PANK1: variants seen among roughly 807,000 people sequenced by gnomAD.
PANK1 encodes the protein pantothenic acid kinase 1.
In PANK1, 18 loss-of-function variants were observed where a neutral mutation model predicts 40.1. The observed-to-expected ratio is 0.45, with a 90% confidence interval of 0.31 to 0.67. The LOEUF is 0.67. Ranked by LOEUF, PANK1 falls within the 30% of genes least tolerant of loss-of-function variation. The pLI is 0.06. For synonymous variants in PANK1, 242 were observed against 237.7 expected, an observed-to-expected ratio of 1.02 and a Z score of -0.17; for missense variants, 457 against 599.6, an observed-to-expected ratio of 0.76 and a Z score of 2.48.
intron 2 of PANK1, among the ~76,000 whole-genome samples, chr10:89,603,265 T>C (rs867930144): frequency 1.4e-4 from 22 of 152,198 alleles, no homozygotes; most frequent in African/African-American, 4.8e-4. Flanking sequence ...AAACACATAA[T>C]TGGGAAGAGA....
chr10:89,620,995 C>T (rs1021038212), intron 1 of PANK1, among the ~76,000 whole-genome samples: 9 of 152,172 alleles, frequency 5.9e-5, no homozygotes, highest in Admixed American at 5.9e-4. Context: ...AGGACGTCCA[C>T]AAGTTTTAAA....
intron 6 of PANK1, among the ~76,000 whole-genome samples, chr10:89,586,528 C>T (rs556743692): frequency 1.3e-5 from 2 of 152,152 alleles, no homozygotes; most frequent in African/African-American, 4.8e-5. Flanking sequence ...TATTTAAGTA[C>T]CTGTTTCATA....
intron 1 of PANK1, among the ~76,000 whole-genome samples, chr10:89,630,947 G>A (rs1400451823): frequency 6.6e-6 from 1 of 152,220 alleles, no homozygotes; most frequent in East Asian, 1.9e-4. Flanking sequence ...CAGGAGGTTT[G>A]CTTGAGCCCA....
chr10:89,638,335 G>A (rs574758865), intron 1 of PANK1, among the ~76,000 whole-genome samples: 7 of 152,352 alleles, frequency 4.6e-5, no homozygotes, highest in African/African-American at 1.7e-4. Flanking sequence ...TGTGATGGGA[G>A]GGACAGCACC....
intron 1 of PANK1, among the ~76,000 whole-genome samples, chr10:89,620,199 G>A (rs936575151): frequency 5.3e-5 from 8 of 152,298 alleles, no homozygotes; most frequent in African/African-American, 1.9e-4. Flanking sequence ...ATGAAATCTG[G>A]ACATCCTAAA....
chr10:89,642,826 T>A lies in PANK1; in HGVS notation c.292+1774A>T, dbSNP rs147308952. On this transcript the variant is annotated intron_variant, in intron 1 of 6. Coordinates refer to ENST00000307534, the MANE Select transcript of PANK1 (RefSeq NM_148977.3). Reference sequence around the variant, plus strand: ...TGAGAGAAGAAAACATGGTAAATAATGTAAATCCAATTTTGACGAACCGTT... The same window carrying A: ...TGAGAGAAGAAAACATGGTAAATAAAGTAAATCCAATTTTGACGAACCGTT... Among the ~76,000 whole-genome samples, 1,491 of 152,324 alleles carry A rather than the reference T, an allele frequency of 9.8e-3. 15 individuals are homozygous for A. The highest frequency in any genetic ancestry group is 0.015 in the Non-Finnish European group (1,017 of 68,026).
At chr10:89,587,222 C>T (rs1161351685) in intron 6 of PANK1, among the ~76,000 whole-genome samples, 1 of 152,172 alleles carries the variant, frequency 6.6e-6, no homozygotes, top group Non-Finnish European at 1.5e-5. Flanking sequence ...ACTGACCTCT[C>T]AAGGCCAATA....
At chr10:89,628,482 C>T (rs1841537615) in intron 1 of PANK1, among the ~76,000 whole-genome samples, 1 of 147,006 alleles carries the variant, frequency 6.8e-6, no homozygotes, top group Non-Finnish European at 1.5e-5. Context: ...ATAAGCAAAA[C>T]TCTAGAGACA....
chr10:89,640,782 A>G (rs890091583), intron 1 of PANK1, among the ~76,000 whole-genome samples: 8 of 152,234 alleles, frequency 5.3e-5, no homozygotes, highest in African/African-American at 1.9e-4. Flanking sequence ...TTCTGTCTCC[A>G]AAACCATGAA....
intron 1 of PANK1, among the ~76,000 whole-genome samples, chr10:89,621,881 T>C (rs1272430595): frequency 6.6e-6 from 1 of 152,198 alleles, no homozygotes; most frequent in African/African-American, 2.4e-5. Flanking sequence ...GCCTTGCTAA[T>C]TTTTGTAGTT....
intron 2 of PANK1, among the ~76,000 whole-genome samples, chr10:89,603,438 C>T (rs1448742680): frequency 3.9e-5 from 6 of 152,044 alleles, no homozygotes; most frequent in African/African-American, 1.4e-4. Flanking sequence ...CAAAGCTTGT[C>T]CTAAGACTCA....
intron 2 of PANK1, among the ~76,000 whole-genome samples, chr10:89,600,001 CT>C (rs1460410322): frequency 6.6e-6 from 1 of 152,114 alleles, no homozygotes; most frequent in Non-Finnish European, 1.5e-5. Context: ...GACTGGAGTG[CT>C]GCTCAACAGG....
chr10:89,588,885 C>A (rs1416808531), intron 5 of PANK1, 108 bp from the exon 6 acceptor site: 1 of 692,242 alleles, frequency 1.4e-6, no homozygotes, highest in African/African-American at 1.9e-5. Flanking sequence ...AGTGAATATT[C>A]CTTGTTTTTT....
At chr10:89,626,929 A>G (rs1254326112) in intron 1 of PANK1, among the ~76,000 whole-genome samples, 1 of 152,184 alleles carries the variant, frequency 6.6e-6, no homozygotes, top group African/African-American at 2.4e-5. Flanking sequence ...TCAATTTAAT[A>G]CCAGAGCATG....
chr10:89,623,690 C>A (rs1427722279), intron 1 of PANK1, among the ~76,000 whole-genome samples: 1 of 152,134 alleles, frequency 6.6e-6, no homozygotes, highest in Non-Finnish European at 1.5e-5. Flanking sequence ...AAATAATATG[C>A]TTTCATTCCC....
chr10:89,628,906 G>A (rs576657430), intron 1 of PANK1, among the ~76,000 whole-genome samples: 2 of 152,184 alleles, frequency 1.3e-5, no homozygotes, highest in East Asian at 3.9e-4. Context: ...GCGCTTCCCA[G>A]GCTGCTATGG....
At chr10:89,603,826 T>C (rs1002367873) in intron 2 of PANK1, among the ~76,000 whole-genome samples, 5 of 152,164 alleles carry the variant, frequency 3.3e-5, no homozygotes, top group Non-Finnish European at 5.9e-5. Context: ...AGGGGCCATC[T>C]ATGAGTGGTC....
intron 1 of PANK1, among the ~76,000 whole-genome samples, chr10:89,617,232 T>G (rs886651445): frequency 7.2e-5 from 11 of 152,240 alleles, no homozygotes; most frequent in African/African-American, 2.7e-4. Context: ...TAAAGTGAAG[T>G]GCTGCTGCAC....
intron 3 of PANK1, among the ~76,000 whole-genome samples, chr10:89,598,481 G>T (rs1309044282): frequency 6.6e-6 from 1 of 152,192 alleles, no homozygotes; most frequent in Non-Finnish European, 1.5e-5. Flanking sequence ...CTAAAAATGG[G>T]TTCTATGGTT....
Sources: gnomAD v4.1 joint callset for allele counts (sites outside exome capture counted in the v4.1 genomes callset) on GRCh38, gnomAD v4.1.1 for gene constraint, MANE v1.5 for transcripts, NCBI Gene and HGNC (gene_info 2026-07-23, HGNC 2026-07-21) for gene names.